VPS13B: variants seen among roughly 807,000 people sequenced by gnomAD.
VPS13B encodes intermembrane lipid transfer protein VPS13B.
VPS13B carries 285 observed loss-of-function variants against 426.4 expected under a neutral mutation model. The observed-to-expected ratio is 0.67, with a 90% CI of 0.61 to 0.74. The LOEUF is 0.74. Among genes scored for constraint, VPS13B ranks in the 30% least tolerant of loss-of-function variants. The pLI is 0.00. For missense variants in VPS13B, 4,537 were observed against 4,782.6 expected, an observed-to-expected ratio of 0.95 and a Z score of 1.51; for synonymous variants, 1,676 against 1,676.4, an observed-to-expected ratio of 1.00 and a Z score of 0.01.
chr8:99,359,104 A>G (rs971068868), intron 19 of VPS13B, among the ~76,000 whole-genome samples: 4 of 152,156 alleles, frequency 2.6e-5, no homozygotes, highest in Admixed American at 1.3e-4. Context: ...AGAAATTAGT[A>G]TTTAAGTGTG....
rs144804836 is a variant in VPS13B, at chr8:99,474,912, T to A, written c.3667-6687T>A. ...ACACAGATGTATATAGCAGCTTTAT[T>A]TGTATAGCCCCAAACTGGACACAAC... On this transcript the variant is annotated intron_variant, in intron 24 of 61. Transcript: ENST00000357162. Among the ~76,000 whole-genome samples, 785 of 152,280 alleles carry A rather than the reference T, an allele frequency of 5.2e-3. 5 individuals are homozygous for A. Among genetic ancestry groups the A allele is most frequent in the African/African-American group, 0.018 (728 of 41,554 alleles).
At chr8:99,380,372 T>A (rs544102649) in intron 19 of VPS13B, among the ~76,000 whole-genome samples, 80 of 152,274 alleles carry the variant, frequency 5.3e-4, no homozygotes, top group Non-Finnish European at 9.9e-4. Flanking sequence ...TATATTAAAT[T>A]GGATTTTCAG....
chr8:99,396,950 T>A (rs1163819471), intron 21 of VPS13B, among the ~76,000 whole-genome samples: 5 of 152,168 alleles, frequency 3.3e-5, no homozygotes, highest in African/African-American at 9.7e-5. Context: ...ATGTTTCCAT[T>A]TTTATCAGGC....
intron 43 of VPS13B, among the ~76,000 whole-genome samples, chr8:99,795,597 A>G (rs984211418): frequency 6.6e-6 from 1 of 152,258 alleles, no homozygotes; most frequent in Admixed American, 6.5e-5. Context: ...CAGTCTTGTT[A>G]GTCAAGAATT....
intron 19 of VPS13B, among the ~76,000 whole-genome samples, chr8:99,276,405 C>T (rs1394409341): frequency 6.6e-6 from 1 of 152,054 alleles, no homozygotes; most frequent in Non-Finnish European, 1.5e-5. Flanking sequence ...GCTCCAGATC[C>T]AAAGTAGGGT....
At chr8:99,535,467 C>T (rs1224747975) in intron 30 of VPS13B, among the ~76,000 whole-genome samples, 1 of 152,158 alleles carries the variant, frequency 6.6e-6, no homozygotes, top group African/African-American at 2.4e-5. Flanking sequence ...TTTCCTTGCT[C>T]ATCATTTCTA....
chr8:99,335,092 G>A lies in VPS13B; in HGVS notation c.2825-49116G>A, dbSNP rs1281582478. Among the ~76,000 whole-genome samples, 4 of 152,144 alleles carry A rather than the reference G, an allele frequency of 2.6e-5. No individual in the cohort carries two copies. The East Asian group carries it at 7.7e-4, about 29-fold the overall frequency. On this transcript the variant is annotated intron_variant, in intron 19 of 61. Transcript: ENST00000357162. ...CTTCCTGGTTTAGTCTTGGGAGGGT[G>A]CATGTGTTGAGGAATTTATCCATTT...
chr8:99,476,494 C>T lies in VPS13B; in HGVS notation c.3667-5105C>T, dbSNP rs540807738. Among the ~76,000 whole-genome samples, 20 of 151,114 alleles carry T rather than the reference C, an allele frequency of 1.3e-4. No homozygotes were observed. The South Asian group carries it at 2.7e-3, about 20-fold the overall frequency. On this transcript the variant is annotated intron_variant, in intron 24 of 61. Transcript: ENST00000357162. Reference sequence around the variant, plus strand: ...GACATGAAGATGAATAAAACAAACACGCAAAGAACGCCATATCTACATACC... The same window carrying T: ...GACATGAAGATGAATAAAACAAACATGCAAAGAACGCCATATCTACATACC...
intron 19 of VPS13B, among the ~76,000 whole-genome samples, chr8:99,279,345 G>A (rs958961250): frequency 4.1e-4 from 62 of 151,876 alleles, no homozygotes; most frequent in African/African-American, 1.5e-3. Flanking sequence ...CAGTGGGCGC[G>A]ATCTCAGCTC....
chr8:99,083,277 G>A (rs1233492473), intron 3 of VPS13B, among the ~76,000 whole-genome samples: 4 of 152,082 alleles, frequency 2.6e-5, no homozygotes, highest in South Asian at 4.1e-4. Context: ...TTGGTGTATA[G>A]GAATGCTTGT....
rs547621939 is a variant in VPS13B at position 99,436,341 on chromosome 8, A to G, written c.3210+4677A>G. 2.0e-3 allele frequency among the ~76,000 whole-genome samples: 302 copies of G among 152,318 alleles called. 1 individual carries two copies. Among genetic ancestry groups the G allele is most frequent in the Non-Finnish European group, 3.5e-3 (237 of 68,020 alleles). ...TCATCACTAACAAACTTAATCTTAT[A>G]TATCACTTTGAATTAATTGTAAGTT... is the stretch of plus-strand genomic sequence containing the variant. On this transcript the variant is annotated intron_variant, in intron 22 of 61. Coordinates refer to ENST00000357162, the MANE Select transcript of VPS13B (RefSeq NM_152564.5).
chr8:99,195,323 G>A (rs1370040923), intron 17 of VPS13B, among the ~76,000 whole-genome samples: 1 of 152,112 alleles, frequency 6.6e-6, no homozygotes, highest in Non-Finnish European at 1.5e-5. Flanking sequence ...CCATTTGTAT[G>A]AACCATTTAT....
chr8:99,015,935 AG>A (rs1841590518), intron 2 of VPS13B, among the ~76,000 whole-genome samples: 1 of 152,188 alleles, frequency 6.6e-6, no homozygotes, highest in South Asian at 2.1e-4. Flanking sequence ...CTCCTAAAAG[AG>A]GCGACTGGTA....
At chr8:99,611,786 T>G (rs944199226) in intron 33 of VPS13B, among the ~76,000 whole-genome samples, 1 of 152,096 alleles carries the variant, frequency 6.6e-6, no homozygotes, top group African/African-American at 2.4e-5. Flanking sequence ...AAACATTGTT[T>G]TCTTTCCAGA....
chr8:99,835,184 G>T lies in VPS13B; in HGVS notation c.9615-13G>T. On this transcript the variant is annotated splice_polypyrimidine_tract_variant and intron_variant, in intron 52 of 61. Transcript: ENST00000357162. ...CCTAAACATTTCTGTCATTTGACTT[G>T]ATTCTCTTCCAGGGCTATAGTGCTG... 2 of 1,613,738 alleles carry T rather than the reference G, an allele frequency of 1.2e-6. No homozygotes were observed. Among genetic ancestry groups the T allele is most frequent in the South Asian group, 2.2e-5 (2 of 91,042 alleles).
Position 99,275,122 on chromosome 8 carries a change from C to T in VPS13B, c.2692C>T (p.Pro898Ser), listed in dbSNP as rs1370447925. 6.2e-7 allele frequency: 1 copy of T among 1,611,170 alleles called. No individual in the cohort carries two copies. The highest frequency in any genetic ancestry group is 1.1e-5 in the South Asian group (1 of 90,410). ...GAAGTTGATTCCCTTGCTTCAGGGT[C>T]CTTCTGACACTAAAGACCTTCATAG... ...KEKLIPLLQG[P>S]SDTKDLHSTK... Residue 898 changes from proline to serine, a missense_variant, in exon 19 of 62, where the codon CCT (proline) becomes TCT (serine). By Grantham distance (74) the Pro-to-Ser change is moderately conservative (BLOSUM62 -1). Around this residue, in one of 2 missense-constraint regions of VPS13B, gnomAD observed 4,311 missense variants for 4,474.3 expected, o/e 0.96. Transcript: ENST00000357162.
intron 15 of VPS13B, among the ~76,000 whole-genome samples, chr8:99,164,824 GTCTC>G (rs1021896455): frequency 6.6e-6 from 1 of 151,412 alleles, no homozygotes; most frequent in Non-Finnish European, 1.5e-5. Context: ...TTGATTTTCT[GTCTC>G]TCTGTCTCTT....
intron 8 of VPS13B, among the ~76,000 whole-genome samples, chr8:99,125,926 G>C (rs1848169630): frequency 6.6e-6 from 1 of 151,826 alleles, no homozygotes; most frequent in Non-Finnish European, 1.5e-5. Flanking sequence ...TGGAGCTAAA[G>C]ACTTTTTTTT....
At chr8:99,697,075 C>T (rs963763014) in intron 35 of VPS13B, 23 of 536,612 alleles carry the variant, frequency 4.3e-5, no homozygotes, top group Non-Finnish European at 7.6e-5. Context: ...TATCGCTACT[C>T]ATCCTGTCCC....
Sources: allele counts gnomAD v4.1 joint callset (sites outside exome capture counted in the v4.1 genomes callset), GRCh38; gene constraint gnomAD v4.1.1; regional missense constraint gnomAD v4.1.1; transcripts MANE v1.5; gene names NCBI Gene and HGNC (gene_info 2026-07-23, HGNC 2026-07-21).